The following NLGN1 variants were observed in gnomAD, a reference collection of about 807,000 sequenced individuals.
NLGN1 encodes the protein neuroligin-1.
A neutral mutation model predicts 65.5 loss-of-function variants in NLGN1; 12 were observed. The observed-to-expected ratio is 0.18, with a 90% CI of 0.12 to 0.30. NLGN1 has a LOEUF of 0.30. Ranked by LOEUF, NLGN1 falls within the 10% of genes least tolerant of loss-of-function variation. The pLI is 1.00. For missense variants in NLGN1, 750 were observed against 1,007.1 expected, an observed-to-expected ratio of 0.74 and a Z score of 3.46; for synonymous variants, 350 against 359.5, an observed-to-expected ratio of 0.97 and a Z score of 0.30.
chr3:173,813,262 G>A (rs1462341115), intron 4 of NLGN1, among the ~76,000 whole-genome samples: 1 of 151,982 alleles, frequency 6.6e-6, no homozygotes, highest in Non-Finnish European at 1.5e-5. Context: ...TTTTGTTTCT[G>A]TCTGACTCTT....
intron 4 of NLGN1, among the ~76,000 whole-genome samples, chr3:173,846,188 T>C (rs1725760763): frequency 6.6e-6 from 1 of 152,220 alleles, no homozygotes. Flanking sequence ...TTAATATAAA[T>C]GAATGAATGA....
intron 2 of NLGN1, among the ~76,000 whole-genome samples, chr3:173,435,388 T>A (rs760193284): frequency 6.6e-6 from 1 of 152,230 alleles, no homozygotes; most frequent in African/African-American, 2.4e-5. Flanking sequence ...CTTTTTCAGC[T>A]ATTATTTTCA....
intron 2 of NLGN1, among the ~76,000 whole-genome samples, chr3:173,503,801 T>G (rs1731552441): frequency 6.6e-6 from 1 of 152,092 alleles, no homozygotes; most frequent in Non-Finnish European, 1.5e-5. Flanking sequence ...GGTGTAGCAC[T>G]GTAAATCTGA....
intron 4 of NLGN1, among the ~76,000 whole-genome samples, chr3:173,891,641 T>TGCCAACCTC (rs762677359): frequency 3.3e-5 from 5 of 152,312 alleles, no homozygotes; most frequent in African/African-American, 1.2e-4. Context: ...CAGGCCCATT[T>TGCCAACCTC]GCCAACCTCC....
At position 174,234,635 on chromosome 3, in the gene NLGN1, G is replaced by A. The variant is rs192985908; in HGVS notation, c.647-40680G>A. On this transcript the variant is annotated intron_variant, in intron 4 of 6. Transcript: ENST00000457714. ...GGGAGACTGCCTTTTCTTGGAGCTG[G>A]CTGCAAGCAATTATTTTAGAGAAAC... is the stretch of plus-strand genomic sequence containing the variant. 4.6e-5 allele frequency among the ~76,000 whole-genome samples: 7 copies of A among 152,214 alleles called. No homozygotes were observed. The East Asian group carries it at 1.4e-3, about 30-fold the overall frequency.
At chr3:173,444,208 CTCT>C (rs1487707757) in intron 2 of NLGN1, among the ~76,000 whole-genome samples, 1 of 152,128 alleles carries the variant, frequency 6.6e-6, no homozygotes, top group Non-Finnish European at 1.5e-5. Context: ...TTAATGGCTG[CTCT>C]TCTAAGGTTG....
At position 173,421,767 on chromosome 3, in the gene NLGN1, C is replaced by T. The variant is rs560891394; in HGVS notation, c.-389-13243C>T. On this transcript the variant is annotated intron_variant, in intron 1 of 6. Coordinates refer to ENST00000457714, the Ensembl canonical transcript of NLGN1. The stretch of plus-strand genomic sequence containing the variant: ...AACTCCTGGGCTCAAGTGATCCTCC[C>T]GCCTCAGCCTCCTAAAGTGCTAGGA... Among the ~76,000 whole-genome samples the T allele has an allele frequency of 1.6e-4, 25 of 152,132 alleles. No homozygotes were observed. The South Asian group carries it at 2.1e-3, about 13-fold the overall frequency.
rs928109630 is a variant in NLGN1 at position 174,243,159 on chromosome 3, G to A, written c.647-32156G>A. Among the ~76,000 whole-genome samples the A allele has an allele frequency of 2.6e-5, 4 of 152,178 alleles. No homozygotes were observed. The East Asian group carries it at 7.7e-4, about 29-fold the overall frequency. ...ATCTGAGCAGGCCCAAGCCACTGGT[G>A]TATTTAAATGTTCACATATAGACAT... On this transcript the variant is annotated intron_variant, in intron 4 of 6. Transcript: ENST00000457714.
intron 4 of NLGN1, among the ~76,000 whole-genome samples, chr3:174,256,290 C>T (rs116768597): frequency 2.6e-4 from 39 of 152,280 alleles, no homozygotes; most frequent in Non-Finnish European, 5.0e-4. Flanking sequence ...GGAAGTAAAT[C>T]CAGAGATTGG....
At chr3:174,282,304 A>G (rs1335268695) in exon 7 of NLGN1, 1 of 152,134 alleles carries the variant, frequency 6.6e-6, no homozygotes, top group Non-Finnish European at 1.5e-5. Flanking sequence ...TCCTTTTGGT[A>G]AGGTGAAGTG....
At chr3:174,253,332 C>T (rs1303685595) in intron 4 of NLGN1, among the ~76,000 whole-genome samples, 1 of 152,172 alleles carries the variant, frequency 6.6e-6, no homozygotes, top group East Asian at 1.9e-4. Context: ...GCATCTGTCT[C>T]TTGCACCATC....
chr3:173,919,380 G>GA (rs1394838463), intron 4 of NLGN1, among the ~76,000 whole-genome samples: 12 of 152,070 alleles, frequency 7.9e-5, no homozygotes, highest in African/African-American at 2.9e-4. Flanking sequence ...GGACAGAGCA[G>GA]AAAAAAATTT....
intron 1 of NLGN1, among the ~76,000 whole-genome samples, chr3:173,415,996 A>G (rs1246534173): frequency 6.6e-6 from 1 of 151,892 alleles, no homozygotes; most frequent in Non-Finnish European, 1.5e-5. Context: ...AATGAATATT[A>G]GCTATTACCA....
At chr3:173,771,171 T>C (rs1271503163) in intron 3 of NLGN1, among the ~76,000 whole-genome samples, 1 of 152,206 alleles carries the variant, frequency 6.6e-6, no homozygotes, top group African/African-American at 2.4e-5. Context: ...AATCATTTAT[T>C]TTAATCACCC....
At chr3:174,260,301 A>G (rs556772457) in intron 4 of NLGN1, among the ~76,000 whole-genome samples, 1 of 149,022 alleles carries the variant, frequency 6.7e-6, no homozygotes, top group South Asian at 2.2e-4. Flanking sequence ...AGTCCCACCA[A>G]CAGTGTAAAA....
intron 4 of NLGN1, among the ~76,000 whole-genome samples, chr3:173,808,157 C>CT (rs1302079470): frequency 7.2e-5 from 11 of 152,218 alleles, no homozygotes; most frequent in South Asian, 6.2e-4. Flanking sequence ...TTACAATACT[C>CT]TAAGTTTCCC....
intron 4 of NLGN1, among the ~76,000 whole-genome samples, chr3:174,008,029 A>T (rs1445326881): frequency 1.3e-5 from 2 of 151,714 alleles, no homozygotes; most frequent in Middle Eastern, 3.2e-3. Flanking sequence ...TTGCAGAAGG[A>T]TGTATTTGCC....
chr3:173,864,861 A>G (rs1054565018), intron 4 of NLGN1, among the ~76,000 whole-genome samples: 1 of 152,146 alleles, frequency 6.6e-6, no homozygotes, highest in African/African-American at 2.4e-5. Flanking sequence ...TGGGAATTGG[A>G]ATGGTGGAGG....
chr3:173,819,038 G>T (rs1250458171), intron 4 of NLGN1, among the ~76,000 whole-genome samples: 1 of 151,354 alleles, frequency 6.6e-6, no homozygotes, highest in Non-Finnish European at 1.5e-5. Flanking sequence ...AAGACATCTT[G>T]TTTATTCTTT....
Sources: gnomAD v4.1 joint callset for allele counts (sites outside exome capture counted in the v4.1 genomes callset) on GRCh38, gnomAD v4.1.1 for gene constraint, MANE v1.5 for transcripts, NCBI Gene and HGNC (gene_info 2026-07-23, HGNC 2026-07-21) for gene names.